The following SORCS3 variants were observed in gnomAD, a reference collection of about 807,000 sequenced individuals.
SORCS3 encodes VPS10 domain-containing receptor SorCS3.
SORCS3 carries 57 observed loss-of-function variants against 146.3 expected under a neutral mutation model. The ratio of observed to expected loss-of-function variants is 0.39; its 90% confidence interval spans 0.31 to 0.49. The LOEUF (loss-of-function observed/expected upper bound fraction) is 0.49, where lower values mean the gene tolerates loss of function less well. Ranked by LOEUF, SORCS3 falls within the 20% of genes least tolerant of loss-of-function variation. The pLI is 0.92. For synonymous variants in SORCS3, 653 were observed against 618.5 expected, an observed-to-expected ratio of 1.06 and a Z score of -0.83; for missense variants, 1,341 against 1,575.5, an observed-to-expected ratio of 0.85 and a Z score of 2.52.
At chr10:104,787,837 G>A (rs1171707354) in intron 1 of SORCS3, among the ~76,000 whole-genome samples, 1 of 152,160 alleles carries the variant, frequency 6.6e-6, no homozygotes, top group Non-Finnish European at 1.5e-5. Context: ...AATTACAATT[G>A]TAACCAGGTA....
chr10:104,669,477 A>T (rs2015825136), intron 1 of SORCS3, among the ~76,000 whole-genome samples: 1 of 152,174 alleles, frequency 6.6e-6, no homozygotes, highest in South Asian at 2.1e-4. Context: ...AGCTACCTTA[A>T]TAAATGGAAT....
At chr10:104,714,923 A>G (rs2016458815) in intron 1 of SORCS3, among the ~76,000 whole-genome samples, 1 of 152,214 alleles carries the variant, frequency 6.6e-6, no homozygotes, top group Non-Finnish European at 1.5e-5. Context: ...TAGGAAGACC[A>G]GAGTCAAGAG....
chr10:104,991,317 G>C (rs943737587), intron 4 of SORCS3, among the ~76,000 whole-genome samples: 4 of 152,096 alleles, frequency 2.6e-5, no homozygotes, highest in African/African-American at 9.7e-5. Context: ...ATGGCCTCAT[G>C]GTTCTGGAGG....
chr10:104,660,243 A>G (rs557036993), intron 1 of SORCS3, among the ~76,000 whole-genome samples: 1 of 152,272 alleles, frequency 6.6e-6, no homozygotes, highest in East Asian at 1.9e-4. Flanking sequence ...TTAAGTTACC[A>G]AGGTGGCTTC....
chr10:105,131,725 A>ATTACGGCGGAAGG (rs1837031271), intron 7 of SORCS3, among the ~76,000 whole-genome samples: 1 of 152,150 alleles, frequency 6.6e-6, no homozygotes, highest in Admixed American at 6.6e-5. Context: ...GAAACTTACA[A>ATTACGGCGGAAGG]TTACGGCGGA....
intron 1 of SORCS3, among the ~76,000 whole-genome samples, chr10:104,828,750 C>G (rs906802561): frequency 6.6e-6 from 1 of 152,122 alleles, no homozygotes; most frequent in Non-Finnish European, 1.5e-5. Context: ...TCTAGTGGCC[C>G]TTAGAGAATG....
At chr10:105,104,952 T>C (rs790748) in intron 6 of SORCS3, among the ~76,000 whole-genome samples, 149,276 of 152,290 alleles carry the variant, frequency 0.98, 73,179 homozygotes, top group East Asian at 1. Context: ...TCTAATTTTT[T>C]ACTACTATGA....
intron 3 of SORCS3, among the ~76,000 whole-genome samples, chr10:104,966,836 G>A (rs1167517023): frequency 6.6e-6 from 1 of 152,106 alleles, no homozygotes; most frequent in African/African-American, 2.4e-5. Context: ...AGCTGACTAA[G>A]CATAGCCCCT....
At chr10:104,803,390 G>T (rs564844758) in intron 1 of SORCS3, among the ~76,000 whole-genome samples, 70 of 152,254 alleles carry the variant, frequency 4.6e-4, no homozygotes, top group Middle Eastern at 3.4e-3. Flanking sequence ...GTCCCTTAGG[G>T]TTCCTCAGAT....
At chr10:105,110,064 A>C (rs1257953463) in intron 7 of SORCS3, among the ~76,000 whole-genome samples, 1 of 152,112 alleles carries the variant, frequency 6.6e-6, no homozygotes, top group African/African-American at 2.4e-5. Context: ...AATTTCTCCC[A>C]TCCCAACCCT....
intron 1 of SORCS3, among the ~76,000 whole-genome samples, chr10:104,781,583 T>C (rs1419893136): frequency 6.6e-6 from 1 of 152,128 alleles, no homozygotes; most frequent in Admixed American, 6.5e-5. Flanking sequence ...CAAATATGTG[T>C]ACACACACAC....
At chr10:105,211,281 C>T in intron 17 of SORCS3, 31 bp downstream of exon 17, 1 of 1,440,698 alleles carries the variant, frequency 6.9e-7, no homozygotes, top group Non-Finnish European at 9.8e-7. Context: ...AACTCAGCTC[C>T]CTGTTTTCCT....
In SORCS3 at chr10:104,866,129, C is replaced by T. The variant is rs531147842; in HGVS notation, c.695+23270C>T. 2.1e-4 allele frequency among the ~76,000 whole-genome samples: 32 copies of T among 152,164 alleles called. 1 individual carries two copies. The East Asian group carries it at 4.6e-3, about 22-fold the overall frequency. On this transcript the variant is annotated intron_variant, in intron 2 of 26. Transcript: ENST00000369701. ...GATTGAGGTGGTTCTTTTGAGGAAG[C>T]GAAGTGACGTTTGACTTAGTTTTCA...
chr10:105,192,130 A>G (rs181818721), intron 14 of SORCS3, among the ~76,000 whole-genome samples: 1 of 152,288 alleles, frequency 6.6e-6, no homozygotes, highest in East Asian at 1.9e-4. Context: ...GAAAAGAAAA[A>G]GGAAGAAACC....
At position 104,945,128 on chromosome 10, in the gene SORCS3, T is replaced by A. The variant is rs2019356990; in HGVS notation, c.795+29196T>A. On this transcript the variant is annotated intron_variant, in intron 3 of 26. Transcript: ENST00000369701. ...AAGAATACATATCGTATGACCCCGT[T>A]TATATAACATTTAAAAATAGAACTA... Among the ~76,000 whole-genome samples the A allele has an allele frequency of 2.0e-5, 3 of 152,228 alleles. No individual in the cohort carries two copies. In the South Asian group the frequency reaches 6.2e-4, roughly 31 times the overall value.
chr10:104,821,927 T>C (rs1286072764), intron 1 of SORCS3, among the ~76,000 whole-genome samples: 1 of 152,230 alleles, frequency 6.6e-6, no homozygotes, highest in Non-Finnish European at 1.5e-5. Context: ...TAGTAGGTGC[T>C]GTGTACAAGG....
chr10:105,198,855 A>T (rs2056558412), intron 14 of SORCS3, among the ~76,000 whole-genome samples: 1 of 152,208 alleles, frequency 6.6e-6, no homozygotes, highest in Non-Finnish European at 1.5e-5. Flanking sequence ...AAGCACATTC[A>T]AAATTGATCC....
intron 3 of SORCS3, among the ~76,000 whole-genome samples, chr10:104,928,516 A>G (rs1211687959): frequency 6.8e-6 from 1 of 146,564 alleles, no homozygotes; most frequent in African/African-American, 2.7e-5. Context: ...ACCACTGGTG[A>G]AAGAAATGAC....
Position 105,213,606 on chromosome 10 carries a change from T to G in SORCS3, c.2376-836T>G, listed in dbSNP as rs140468769. ...CATGTGCCTGGAAATATGCCCATCA[T>G]GCAGATCAGGGTTGTAGGAAAGCTC... On this transcript the variant is annotated intron_variant, in intron 17 of 26. Transcript: ENST00000369701. Among the ~76,000 whole-genome samples, 935 of 152,300 alleles carry G rather than the reference T, an allele frequency of 6.1e-3. 14 individuals carry two copies. Among genetic ancestry groups the G allele is most frequent in the African/African-American group, 0.021 (872 of 41,568 alleles).
Sources: gnomAD v4.1 joint callset for allele counts (sites outside exome capture counted in the v4.1 genomes callset) on GRCh38, gnomAD v4.1.1 for gene constraint, MANE v1.5 for transcripts, NCBI Gene and HGNC (gene_info 2026-07-23, HGNC 2026-07-21) for gene names.